The following LEPR variants were observed in gnomAD, a reference collection of about 807,000 sequenced individuals.
LEPR encodes leptin receptor.
LEPR carries 56 observed loss-of-function variants against 114.7 expected under a neutral mutation model. That is an observed-to-expected ratio of 0.49 (90% CI 0.39 to 0.61). The LOEUF is 0.61. LEPR is among the 20% of genes least tolerant of loss of function. The probability of loss-of-function intolerance (pLI) is 0.00; values close to 1 mark genes in which losing one functional copy is unlikely to be tolerated. For missense variants in LEPR, 1,202 were observed against 1,352.9 expected, an observed-to-expected ratio of 0.89 and a Z score of 1.75; for synonymous variants, 443 against 461.4, an observed-to-expected ratio of 0.96 and a Z score of 0.51.
chr1:65,611,594 G>A (rs1358286393), intron 14 of LEPR, among the ~76,000 whole-genome samples: 1 of 152,150 alleles, frequency 6.6e-6, no homozygotes, highest in Non-Finnish European at 1.5e-5. Flanking sequence ...GTAGTCAACA[G>A]CCCTTTGGCC....
chr1:65,511,819 C>T (rs1238768751), intron 2 of LEPR, among the ~76,000 whole-genome samples: 4 of 152,160 alleles, frequency 2.6e-5, no homozygotes, highest in African/African-American at 9.6e-5. Context: ...AGCTACTCCC[C>T]TTTATTCCAG....
At chr1:65,586,058 G>C (rs796383227) in intron 5 of LEPR, among the ~76,000 whole-genome samples, 25 of 151,966 alleles carry the variant, frequency 1.6e-4, no homozygotes, top group African/African-American at 5.8e-4. Flanking sequence ...TTATTTTTTA[G>C]TCATGGTTAC....
intron 2 of LEPR, among the ~76,000 whole-genome samples, chr1:65,553,904 T>C (rs1190920377): frequency 6.6e-6 from 1 of 152,188 alleles, no homozygotes; most frequent in Non-Finnish European, 1.5e-5. Context: ...GGAATCCTTT[T>C]TGCTGATGTT....
Position 65,637,266 on chromosome 1 carries a change from G to T in LEPR, c.*251G>T, listed in dbSNP as rs1032178127. On this transcript the variant is annotated 3_prime_UTR_variant, in exon 20 of 20. Transcript: ENST00000349533. ...CTAGTGGGAAGGTCCCTTGTTTCCA[G>T]CTAGAAATAAGCCCAACAGACACCA... is the stretch of plus-strand genomic sequence containing the variant. The T allele has an allele frequency of 5.3e-5, 20 of 377,318 alleles. No homozygotes were observed. Among genetic ancestry groups the T allele is most frequent in the Non-Finnish European group, 8.2e-5 (17 of 207,546 alleles). The allele number at this position is 377,318 out of a possible 1,614,324, so 23.4% of individuals were successfully genotyped here.
chr1:65,637,033 T>A lies in LEPR; in HGVS notation c.*18T>A, dbSNP rs759791859. On this transcript the variant is annotated 3_prime_UTR_variant, in exon 20 of 20. Coordinates refer to ENST00000349533, the MANE Select transcript of LEPR (RefSeq NM_002303.6). ...CTGTGTAATTTCACTGAAGAAACCT[T>A]CAGATTTGTGTTATAATGGGTAATA... is the stretch of plus-strand genomic sequence containing the variant. 27 of 1,610,428 alleles carry A rather than the reference T, an allele frequency of 1.7e-5. No individual in the cohort carries two copies. The South Asian group carries it at 3.0e-4, about 18-fold the overall frequency.
At chr1:65,423,584 C>A (rs1339399302) in intron 1 of LEPR, among the ~76,000 whole-genome samples, 1 of 152,142 alleles carries the variant, frequency 6.6e-6, no homozygotes, top group Non-Finnish European at 1.5e-5. Context: ...TGCTTTCCAT[C>A]CACACATGGG....
intron 2 of LEPR, among the ~76,000 whole-genome samples, chr1:65,531,454 C>T (rs1650393855): frequency 6.6e-6 from 1 of 151,748 alleles, no homozygotes. Context: ...CTTCTCCTCT[C>T]CTCTCCTTTG....
At chr1:65,571,584 T>A (rs972594791) in intron 4 of LEPR, among the ~76,000 whole-genome samples, 1 of 151,178 alleles carries the variant, frequency 6.6e-6, no homozygotes, top group Admixed American at 6.6e-5. Flanking sequence ...TGATTGGGTT[T>A]TCACATGTAT....
At chr1:65,550,331 C>G (rs1322516179) in intron 2 of LEPR, among the ~76,000 whole-genome samples, 2 of 152,214 alleles carry the variant, frequency 1.3e-5, no homozygotes, top group Non-Finnish European at 2.9e-5. Flanking sequence ...GGGAGAACCA[C>G]TGCTCTCTTC....
chr1:65,428,655 T>TG (rs1195358353), intron 2 of LEPR, among the ~76,000 whole-genome samples: 1 of 152,174 alleles, frequency 6.6e-6, no homozygotes, highest in Non-Finnish European at 1.5e-5. Context: ...AGGTGCTGTC[T>TG]GGGCGTATCT....
chr1:65,490,038 T>G (rs531336459), intron 2 of LEPR, among the ~76,000 whole-genome samples: 1 of 152,266 alleles, frequency 6.6e-6, no homozygotes, highest in Non-Finnish European at 1.5e-5. Flanking sequence ...CTTTCAGGTA[T>G]GCAATCTTTC....
At chr1:65,524,588 C>A (rs1161191438) in intron 2 of LEPR, among the ~76,000 whole-genome samples, 1 of 152,224 alleles carries the variant, frequency 6.6e-6, no homozygotes, top group African/African-American at 2.4e-5. Flanking sequence ...GCCTACCCAT[C>A]TCTGGGCTAC....
chr1:65,633,748 C>T lies in LEPR; in HGVS notation c.2674-2443C>T. 1.0e-6 allele frequency: 1 copy of T among 985,142 alleles called. No homozygotes were observed. Among genetic ancestry groups the T allele is most frequent in the Non-Finnish European group, 1.2e-6 (1 of 829,746 alleles). 61.0% of individuals were successfully genotyped at this position (985,142 alleles called of 1,614,324 possible). On this transcript the variant is annotated intron_variant, in intron 19 of 19. Transcript: ENST00000349533. The surrounding 1 kb of genome is among the most constrained non-coding windows in gnomAD (Gnocchi z 4.1). ...TATCTCCTGGCATTTTTGTATCTAA[C>T]TTTGTTCAATCTGGGAATTTCAGTT...
intron 1 of LEPR, among the ~76,000 whole-genome samples, chr1:65,423,665 T>G (rs1260353140): frequency 6.7e-6 from 1 of 148,276 alleles, no homozygotes; most frequent in African/African-American, 2.7e-5. Flanking sequence ...TCCCTTAACA[T>G]GTGTATACTT....
chr1:65,479,877 A>G (rs940532446), intron 2 of LEPR, among the ~76,000 whole-genome samples: 5 of 152,110 alleles, frequency 3.3e-5, no homozygotes, highest in African/African-American at 4.8e-5. Context: ...CTTAGTAGGT[A>G]TGTAATCAGT....
intron 2 of LEPR, among the ~76,000 whole-genome samples, chr1:65,511,466 AC>A (rs1446967991): frequency 7.3e-6 from 1 of 137,510 alleles, no homozygotes; most frequent in Non-Finnish European, 1.6e-5. Flanking sequence ...ACACACACAC[AC>A]ACACGTGTAT....
At chr1:65,441,612 A>C (rs112862892) in intron 2 of LEPR, among the ~76,000 whole-genome samples, 10 of 152,140 alleles carry the variant, frequency 6.6e-5, no homozygotes, top group Non-Finnish European at 1.0e-4. Flanking sequence ...CACGACAGGG[A>C]AGGGATTTGA....
chr1:65,530,032 G>A (rs1453658754), intron 2 of LEPR, among the ~76,000 whole-genome samples: 2 of 152,160 alleles, frequency 1.3e-5, no homozygotes, highest in African/African-American at 4.8e-5. Flanking sequence ...GCTCCCTCTG[G>A]ACTTCAGATC....
intron 2 of LEPR, among the ~76,000 whole-genome samples, chr1:65,563,342 G>A (rs1353705216): frequency 3.5e-3 from 279 of 79,252 alleles, no homozygotes; most frequent in African/African-American, 0.013. Context: ...CCAGTTGATC[G>A]CATCGGCTCC....
Sources: allele counts gnomAD v4.1 joint callset (sites outside exome capture counted in the v4.1 genomes callset), GRCh38; gene constraint gnomAD v4.1.1; non-coding constraint Gnocchi (gnomAD v3.1); transcripts MANE v1.5; gene names NCBI Gene and HGNC (gene_info 2026-07-23, HGNC 2026-07-21).